Variants in LHX8 observed in about 807,000 individuals in gnomAD.
LHX8 encodes LIM/homeobox protein Lhx8.
LHX8 carries 12 observed loss-of-function variants against 40.3 expected under a neutral mutation model. The observed-to-expected ratio is 0.30, with a 90% confidence interval of 0.19 to 0.48. LHX8 has a LOEUF of 0.48. Ranked by LOEUF, LHX8 falls within the 20% of genes least tolerant of loss-of-function variation. The pLI is 0.99. For missense variants in LHX8, 344 were observed against 433.7 expected, an observed-to-expected ratio of 0.79 and a Z score of 1.84; for synonymous variants, 179 against 162.0, an observed-to-expected ratio of 1.10 and a Z score of -0.80.
At chr1:75,179,662 T>G in the LHX8 span, among the ~76,000 whole-genome samples, 2 of 152,196 alleles carry the variant, frequency 1.3e-5, no homozygotes, top group South Asian at 4.1e-4. Context: ...GTCTGTATCT[T>G]TTAATTGGGG....
chr1:75,155,451 G>C (rs1030198948), intron 7 of LHX8, among the ~76,000 whole-genome samples: 4 of 151,978 alleles, frequency 2.6e-5, no homozygotes, highest in African/African-American at 4.8e-5. Flanking sequence ...AGCCAGGATG[G>C]TCTCGATCTC....
At chr1:75,130,896 AC>A, upstream of LHX8, 1 of 734,024 alleles carries the variant, frequency 1.4e-6, no homozygotes, top group South Asian at 1.5e-5. Context: ...CTGAGATTTC[AC>A]CTTCAGGGAT....
intron 3 of LHX8, among the ~76,000 whole-genome samples, chr1:75,139,866 C>T (rs1438125477): frequency 1.3e-5 from 2 of 152,194 alleles, no homozygotes; most frequent in Middle Eastern, 3.2e-3. Context: ...ATTCGATAGA[C>T]ACATAGTCTT....
chr1:75,160,645 T>C, intron 8 of LHX8, 174 bp from the exon 9 acceptor site: 1 of 624,308 alleles, frequency 1.6e-6, no homozygotes, highest in Non-Finnish European at 2.9e-6. Flanking sequence ...GTTCCTGGAC[T>C]CTCACTATGC....
the LHX8 span, among the ~76,000 whole-genome samples, chr1:75,171,424 A>G: frequency 2.6e-5 from 4 of 151,320 alleles, no homozygotes; most frequent in Non-Finnish European, 1.5e-5. Context: ...TTTTATTATT[A>G]TTATTATTAT....
At position 75,134,684 on chromosome 1, in the gene LHX8, C is replaced by A. The variant is rs1348002907; in HGVS notation, c.-283C>A. ...GTAGCAAAGGACGTGCCGGAGCTGG[C>A]AGTTCCCCCTGAGAAGGTGAGCGAG... On this transcript the variant is annotated 5_prime_UTR_variant, in exon 1 of 9. Coordinates refer to ENST00000356261, the MANE Select transcript of LHX8 (RefSeq NM_001256114.2). Among the ~76,000 whole-genome samples, 1 of 152,138 alleles carries A rather than the reference C, an allele frequency of 6.6e-6. No individual in the cohort carries two copies. Among genetic ancestry groups the A allele is most frequent in the African/African-American group, 2.4e-5 (1 of 41,434 alleles).
rs779574295 is a variant in LHX8, at chr1:75,137,157, C to T, written c.133C>T (p.Pro45Ser). The stretch of plus-strand genomic sequence containing the variant: ...GTGCTCCTCCTCGGCCCCGCTGTCC[C>T]CGTCGTCCTCGCCCCGGTCCATGGC... ...DSCSSSAPLS[P>S]SSSPRSMASG... Residue 45 changes from proline (P) to serine (S), a missense_variant, in exon 3 of 9, where the codon CCG becomes TCG. Transcript: ENST00000356261. The T allele has an allele frequency of 7.4e-6, 12 of 1,612,924 alleles. No individual in the cohort carries two copies. The highest frequency in any genetic ancestry group is 1.7e-4 in the Middle Eastern group (1 of 6,018).
chr1:75,147,534 A>G (rs950235947), intron 6 of LHX8, among the ~76,000 whole-genome samples: 1 of 152,218 alleles, frequency 6.6e-6, no homozygotes, highest in Non-Finnish European at 1.5e-5. Flanking sequence ...TATGAGGAGC[A>G]TAGTGGAGAA....
the LHX8 span, among the ~76,000 whole-genome samples, chr1:75,199,179 G>A: frequency 2.0e-5 from 3 of 152,122 alleles, no homozygotes; most frequent in African/African-American, 7.2e-5. Context: ...TATGAATTGC[G>A]TTCAGAAGGC....
At chr1:75,191,294 G>A in the LHX8 span, among the ~76,000 whole-genome samples, 1 of 152,046 alleles carries the variant, frequency 6.6e-6, no homozygotes, top group Non-Finnish European at 1.5e-5. Flanking sequence ...GGTCAGACGT[G>A]TGGAAAATCA....
chr1:75,185,523 T>C, the LHX8 span, among the ~76,000 whole-genome samples: 5 of 150,302 alleles, frequency 3.3e-5, no homozygotes, highest in Non-Finnish European at 7.5e-5. Flanking sequence ...CTCAATAAAC[T>C]AGGTATTAAG....
the LHX8 span, among the ~76,000 whole-genome samples, chr1:75,178,488 A>G: frequency 2.6e-5 from 4 of 151,964 alleles, no homozygotes; most frequent in Admixed American, 2.6e-4. Flanking sequence ...CTTTGATGGT[A>G]GTTTGTATTT....
intron 2 of LHX8, 49 bp from the exon 3 acceptor site, chr1:75,137,051 G>A (rs774373356): frequency 1.3e-6 from 2 of 1,545,776 alleles, no homozygotes; most frequent in Admixed American, 3.7e-5. Flanking sequence ...GGTGGGATGC[G>A]AAGGGGAGGA....
chr1:75,178,628 T>C, the LHX8 span, among the ~76,000 whole-genome samples: 1 of 152,216 alleles, frequency 6.6e-6, no homozygotes, highest in Non-Finnish European at 1.5e-5. Flanking sequence ...AACCAGCTCC[T>C]GGATTCAGTG....
chr1:75,190,644 C>T, the LHX8 span, among the ~76,000 whole-genome samples: 2 of 151,886 alleles, frequency 1.3e-5, no homozygotes, highest in African/African-American at 2.4e-5. Flanking sequence ...TCATACCAGA[C>T]CAAAGGAGAA....
At chr1:75,141,987 C>G (rs1452921246) in intron 4 of LHX8, among the ~76,000 whole-genome samples, 1 of 151,960 alleles carries the variant, frequency 6.6e-6, no homozygotes, top group African/African-American at 2.4e-5. Flanking sequence ...TTATGAGACC[C>G]AGAGTCTTTT....
downstream of LHX8, among the ~76,000 whole-genome samples, chr1:75,163,414 T>A (rs1174256224): frequency 6.6e-6 from 1 of 152,220 alleles, no homozygotes; most frequent in Admixed American, 6.5e-5. Context: ...AAGTAATGTT[T>A]CTATTTTATT....
the LHX8 span, among the ~76,000 whole-genome samples, chr1:75,172,368 G>A: frequency 2.0e-5 from 3 of 152,300 alleles, no homozygotes; most frequent in South Asian, 6.2e-4. Flanking sequence ...GAATAGGGAA[G>A]ATTTGATTGT....
At chr1:75,162,863 A>G (rs773580202), downstream of LHX8, among the ~76,000 whole-genome samples, 3 of 152,170 alleles carry the variant, frequency 2.0e-5, no homozygotes, top group Non-Finnish European at 4.4e-5. Context: ...GTGTTTAAGT[A>G]TGTGAGCACA....
Sources: gnomAD v4.1 joint callset for allele counts (sites outside exome capture counted in the v4.1 genomes callset) on GRCh38, gnomAD v4.1.1 for gene constraint, MANE v1.5 for transcripts, NCBI Gene and HGNC (gene_info 2026-07-23, HGNC 2026-07-21) for gene names.